PTPRQ: variants seen among roughly 807,000 people sequenced by gnomAD.
The protein encoded by PTPRQ is phosphatidylinositol phosphatase PTPRQ.
Under a neutral mutation model 246.0 loss-of-function variants are expected in PTPRQ, and 199 were observed. The observed-to-expected ratio is 0.81, with a 90% CI of 0.72 to 0.91. The LOEUF is 0.91. Ranked by LOEUF, PTPRQ falls within the 40% of genes least tolerant of loss-of-function variation. PTPRQ has a pLI of 0.00. For missense variants in PTPRQ, 2,624 were observed against 2,528.4 expected, an observed-to-expected ratio of 1.04 and a Z score of -0.81; for synonymous variants, 869 against 853.2, an observed-to-expected ratio of 1.02 and a Z score of -0.32.
At chr12:80,626,357 T>G (rs996584804) in intron 33 of PTPRQ, among the ~76,000 whole-genome samples, 1 of 152,204 alleles carries the variant, frequency 6.6e-6, no homozygotes. Context: ...AAATCTTATT[T>G]CTAAAATGAG....
intron 3 of PTPRQ, among the ~76,000 whole-genome samples, chr12:80,446,017 G>A (rs1305857855): frequency 6.6e-6 from 1 of 151,902 alleles, no homozygotes; most frequent in East Asian, 1.9e-4. Context: ...TAAAAATTAT[G>A]TAAAGTTAAA....
At chr12:80,549,038 T>G (rs1896390425) in intron 24 of PTPRQ, among the ~76,000 whole-genome samples, 2 of 152,152 alleles carry the variant, frequency 1.3e-5, no homozygotes, top group African/African-American at 4.8e-5. Flanking sequence ...CCAAGTACTG[T>G]GAAGCCCAGA....
intron 17 of PTPRQ, among the ~76,000 whole-genome samples, chr12:80,515,256 C>T (rs887078863): frequency 2.6e-5 from 4 of 152,142 alleles, no homozygotes; most frequent in Non-Finnish European, 4.4e-5. Context: ...TTGGCTCTGA[C>T]ACTCAGTTAT....
chr12:80,466,478 A>C (rs1419767525), intron 6 of PTPRQ, among the ~76,000 whole-genome samples: 2 of 152,188 alleles, frequency 1.3e-5, no homozygotes, highest in African/African-American at 2.4e-5. Context: ...GCTACCAATG[A>C]CTTTCTTCAC....
chr12:80,552,859 T>G (rs908655294), intron 25 of PTPRQ, among the ~76,000 whole-genome samples: 32 of 151,772 alleles, frequency 2.1e-4, no homozygotes, highest in Non-Finnish European at 3.5e-4. Flanking sequence ...GAATTCTGCA[T>G]CAGAATGTGC....
intron 16 of PTPRQ, among the ~76,000 whole-genome samples, chr12:80,507,519 A>G (rs1895001073): frequency 6.6e-6 from 1 of 151,862 alleles, no homozygotes; most frequent in Non-Finnish European, 1.5e-5. Flanking sequence ...ATGTGCTTAG[A>G]CACTGCTAGG....
intron 25 of PTPRQ, among the ~76,000 whole-genome samples, chr12:80,558,376 C>G (rs1896724058): frequency 6.6e-6 from 1 of 151,454 alleles, no homozygotes; most frequent in Non-Finnish European, 1.5e-5. Context: ...CCATGTTGGC[C>G]AGGCTGGTCT....
At chr12:80,503,762 T>C (rs1894872397) in intron 14 of PTPRQ, among the ~76,000 whole-genome samples, 1 of 151,850 alleles carries the variant, frequency 6.6e-6, no homozygotes, top group Non-Finnish European at 1.5e-5. Context: ...AATAGTTTTC[T>C]ACCTAAAGTA....
chr12:80,669,122 A>G lies in PTPRQ; in HGVS notation c.6308A>G (p.Gln2103Arg). ...GCAAAAACATTAGTAATGCTAACAC[A>G]GTGTTTTGAAAAAGGACGGGTAAGT... ...TRAKTLVMLT[Q>R]CFEKGRIRCH... The change falls in exon 40 of 45, where the codon CAG becomes CGG. Residue 2103 changes from glutamine (Q) to arginine (R), a missense_variant. By Grantham distance (43) the Gln-to-Arg change is conservative. Transcript: ENST00000644991. 2 of 1,546,594 alleles carry G rather than the reference A, an allele frequency of 1.3e-6. No individual in the cohort carries two copies. The highest frequency in any genetic ancestry group is 1.7e-6 in the Non-Finnish European group (2 of 1,144,848).
chr12:80,454,533 C>T (rs1244737269), intron 3 of PTPRQ: 2 of 702,374 alleles, frequency 2.8e-6, no homozygotes, highest in Middle Eastern at 2.3e-4. Flanking sequence ...AGTAGACATC[C>T]TACTTTTGTT....
intron 29 of PTPRQ, 142 bp downstream of exon 29, chr12:80,613,978 T>G: frequency 9.4e-7 from 1 of 1,066,532 alleles, no homozygotes; most frequent in Non-Finnish European, 1.2e-6. Flanking sequence ...CAAAAATAAA[T>G]TTTGAGAACT....
At chr12:80,665,789 A>G (rs1023493706) in intron 39 of PTPRQ, among the ~76,000 whole-genome samples, 27 of 152,008 alleles carry the variant, frequency 1.8e-4, no homozygotes, top group African/African-American at 6.3e-4. Flanking sequence ...AAATGAGCTG[A>G]ATGAACATCT....
rs1332286031 is a variant in PTPRQ at position 80,670,396 on chromosome 12, A to G, written c.6506A>G (p.His2169Arg). 3.2e-6 allele frequency: 5 copies of G among 1,551,174 alleles called. No individual in the cohort carries two copies. The highest frequency in any genetic ancestry group is 2.0e-5 in the Admixed American group (1 of 50,964). The change falls in exon 42 of 45, where the codon CAT becomes CGT. Residue 2169 changes from histidine to arginine, a missense_variant. Coordinates refer to ENST00000644991, the MANE Select transcript of PTPRQ (RefSeq NM_001145026.2). ...RQCNFTAWPEHGVPENSAPLI... is the reference protein window; with the variant it reads ...RQCNFTAWPERGVPENSAPLI... ...TGTAACTTTACTGCCTGGCCAGAGCATGGGGTTCCTGAGAACAGCGCCCCT... is the reference window on the plus strand; with the variant it reads ...TGTAACTTTACTGCCTGGCCAGAGCGTGGGGTTCCTGAGAACAGCGCCCCT...
chr12:80,569,129 CTTT>C (rs778431539), intron 25 of PTPRQ, among the ~76,000 whole-genome samples: 2 of 97,598 alleles, frequency 2.0e-5, no homozygotes, highest in Admixed American at 1.0e-4. Context: ...GGATACAATT[CTTT>C]TTTTTTTTTT....
At chr12:80,470,843 G>T (rs1208829483) in intron 7 of PTPRQ, among the ~76,000 whole-genome samples, 1 of 152,194 alleles carries the variant, frequency 6.6e-6, no homozygotes, top group Non-Finnish European at 1.5e-5. Context: ...GTAAGCAAAA[G>T]TGGTTAGAAA....
rs75401572 is a variant in PTPRQ at position 80,587,167 on chromosome 12, C to T, written c.4286-962C>T. ...ATCCTACCTGTACATATTAGATGCTCTTAGATATTTATTGAATGTTGAATT... is the reference window on the plus strand; with the variant it reads ...ATCCTACCTGTACATATTAGATGCTTTTAGATATTTATTGAATGTTGAATT... On this transcript the variant is annotated intron_variant, in intron 25 of 44. Coordinates refer to ENST00000644991, the MANE Select transcript of PTPRQ (RefSeq NM_001145026.2). 5.8e-3 allele frequency among the ~76,000 whole-genome samples: 888 copies of T among 152,132 alleles called. 27 individuals carry two copies. In the South Asian group the frequency reaches 0.066, roughly 11 times the overall value.
At chr12:80,496,737 A>T (rs1293159187) in intron 14 of PTPRQ, among the ~76,000 whole-genome samples, 1 of 152,120 alleles carries the variant, frequency 6.6e-6, no homozygotes. Context: ...ATATAAGGGA[A>T]CTTCTAATCA....
rs1893072547 is a variant in PTPRQ at position 80,459,265 on chromosome 12, C to T, written c.461-19C>T. 1 of 398,236 alleles carries T rather than the reference C, an allele frequency of 2.5e-6. No homozygotes were observed. Among genetic ancestry groups the T allele is most frequent in the Non-Finnish European group, 4.4e-6 (1 of 225,838 alleles). The allele number at this position is 398,236 out of a possible 1,614,324, so 24.7% of individuals were successfully genotyped here. On this transcript the variant is annotated intron_variant, in intron 4 of 44. Coordinates refer to ENST00000644991, the MANE Select transcript of PTPRQ (RefSeq NM_001145026.2). ...TTTTATAACAAAGTTTTTTCCTTCC[C>T]AATCTTTCTCTTCCCCAGCTCCAGG...
At chr12:80,450,643 T>C (rs948242067) in intron 3 of PTPRQ, among the ~76,000 whole-genome samples, 1 of 152,062 alleles carries the variant, frequency 6.6e-6, no homozygotes, top group Non-Finnish European at 1.5e-5. Context: ...AATCATGCGG[T>C]TTTTGTCTTT....
Sources: gnomAD v4.1 joint callset for allele counts (sites outside exome capture counted in the v4.1 genomes callset) on GRCh38, gnomAD v4.1.1 for gene constraint, MANE v1.5 for transcripts, NCBI Gene and HGNC (gene_info 2026-07-23, HGNC 2026-07-21) for gene names.